The following CRISPLD2 variants were observed in gnomAD, a reference collection of about 807,000 sequenced individuals.
CRISPLD2 encodes the protein cysteine rich secretory protein LCCL domain containing 2, also known as cysteine-rich secretory protein LCCL domain-containing 2.
CRISPLD2 carries 47 observed loss-of-function variants against 71.1 expected under a neutral mutation model. The ratio of observed to expected loss-of-function variants is 0.66; its 90% CI spans 0.52 to 0.84. The LOEUF (loss-of-function observed/expected upper bound fraction) is 0.84. Among genes scored for constraint, CRISPLD2 ranks in the 40% least tolerant of loss-of-function variants. The pLI, the probability that CRISPLD2 is intolerant of heterozygous loss-of-function variation, is 0.00. For synonymous variants in CRISPLD2, 317 were observed against 250.1 expected (o/e 1.27, Z -2.52); for missense variants, 830 against 651.1 (o/e 1.27, Z -2.99).
At chr16:84,836,846 C>T (rs976916761) in intron 1 of CRISPLD2, among the ~76,000 whole-genome samples, 2 of 152,182 alleles carry the variant, frequency 1.3e-5, no homozygotes, top group Non-Finnish European at 2.9e-5. Flanking sequence ...AAGAACTGAG[C>T]CCCGTGGAGT....
intron 14 of CRISPLD2, among the ~76,000 whole-genome samples, chr16:84,902,704 A>T (rs1183490966): frequency 2.7e-5 from 4 of 150,116 alleles, no homozygotes; most frequent in Admixed American, 1.3e-4. Flanking sequence ...GCTGGCTCAG[A>T]GGGACTGGGG....
intron 14 of CRISPLD2, among the ~76,000 whole-genome samples, chr16:84,898,106 C>T (rs1193621377): frequency 6.6e-6 from 1 of 152,088 alleles, no homozygotes; most frequent in Non-Finnish European, 1.5e-5. Flanking sequence ...TTTTTTCTTT[C>T]ACTGTAATAA....
At chr16:84,846,667 T>C (rs1344596930) in intron 3 of CRISPLD2, among the ~76,000 whole-genome samples, 1 of 152,162 alleles carries the variant, frequency 6.6e-6, no homozygotes, top group East Asian at 1.9e-4. Flanking sequence ...GCTCACTGTT[T>C]AAGGCTGAGC....
chr16:84,866,952 T>C lies in CRISPLD2; in HGVS notation c.765T>C (p.Ala255=). Reference sequence around the variant, plus strand: ...ACGAGATGAATGAGGTGGAAACGGCTCCCATTCCTGAAGAAAACCATGTTT... The same window carrying C: ...ACGAGATGAATGAGGTGGAAACGGCCCCCATTCCTGAAGAAAACCATGTTT... ...ETDEMNEVET[A]PIPEENHVWL... The change falls in exon 7 of 15, where the codon GCT becomes GCC. Residue 255 remains alanine (A), a synonymous_variant. Coordinates refer to ENST00000262424, the MANE Select transcript of CRISPLD2 (RefSeq NM_031476.4). 1 of 1,613,846 alleles carries C rather than the reference T, an allele frequency of 6.2e-7. No homozygotes were observed. Among genetic ancestry groups the C allele is most frequent in the Non-Finnish European group, 8.5e-7 (1 of 1,179,936 alleles).
intron 1 of CRISPLD2, among the ~76,000 whole-genome samples, chr16:84,835,073 C>T (rs931727179): frequency 7.2e-5 from 11 of 151,756 alleles, no homozygotes; most frequent in African/African-American, 2.7e-4. Context: ...AGGTGCTGGC[C>T]CTTTTATGGT....
intron 4 of CRISPLD2, 46 bp from the exon 5 acceptor site, chr16:84,850,522 T>G (rs775536619): frequency 3.3e-6 from 5 of 1,533,904 alleles, no homozygotes; most frequent in Non-Finnish European, 4.5e-6. Context: ...ATCACCCTTT[T>G]GTGCCTTATC....
At chr16:84,842,455 A>G (rs989416622) in intron 2 of CRISPLD2, among the ~76,000 whole-genome samples, 8 of 145,540 alleles carry the variant, frequency 5.5e-5, no homozygotes, top group African/African-American at 1.8e-4. Context: ...GCTCACTGCA[A>G]CCTCCACTTC....
At position 84,906,878 on chromosome 16, in the gene CRISPLD2, G is replaced by T; in HGVS notation, c.*236G>T. 1.7e-6 allele frequency: 1 copy of T among 591,014 alleles called. No individual in the cohort carries two copies. The highest frequency in any genetic ancestry group is 3.0e-5 in the East Asian group (1 of 33,816). 36.6% of individuals were successfully genotyped at this position (591,014 alleles called of 1,614,324 possible). ...TGCCTGATCCTGCTGGGGCCTGGGG[G>T]TCTCCATCTGGACGTCCTCTCTCCT... On this transcript the variant is annotated 3_prime_UTR_variant, in exon 15 of 15. Coordinates refer to ENST00000262424, the MANE Select transcript of CRISPLD2 (RefSeq NM_031476.4).
intron 1 of CRISPLD2, among the ~76,000 whole-genome samples, chr16:84,832,867 T>A (rs4783081): frequency 0.095 from 14,451 of 152,240 alleles, 772 homozygotes; most frequent in Middle Eastern, 0.14. Context: ...TTCTGAGTGT[T>A]GAGTACGATG....
At chr16:84,859,338 G>C (rs994917464) in intron 6 of CRISPLD2, among the ~76,000 whole-genome samples, 1 of 152,206 alleles carries the variant, frequency 6.6e-6, no homozygotes, top group Admixed American at 6.5e-5. Flanking sequence ...GGACCACAGT[G>C]ATGTTTTGGG....
At chr16:84,840,265 G>T (rs187727801) in intron 2 of CRISPLD2, among the ~76,000 whole-genome samples, 10 of 152,336 alleles carry the variant, frequency 6.6e-5, no homozygotes, top group African/African-American at 2.4e-4. Context: ...CATGAGGGTT[G>T]AGTGGCTATT....
chr16:84,891,652 C>T (rs1161963200), intron 14 of CRISPLD2, among the ~76,000 whole-genome samples: 2 of 152,202 alleles, frequency 1.3e-5, no homozygotes, highest in African/African-American at 4.8e-5. Flanking sequence ...TCCTGAGCAG[C>T]GCAGCCAGCT....
At chr16:84,906,419 A>C (rs1036539434) in intron 14 of CRISPLD2, among the ~76,000 whole-genome samples, 169 bp from the exon 15 acceptor site, 2 of 152,148 alleles carry the variant, frequency 1.3e-5, no homozygotes, top group Admixed American at 1.3e-4. Flanking sequence ...ACCTGTTCTC[A>C]ACTCAAGGCA....
At chr16:84,877,547 G>A in intron 12 of CRISPLD2, 37 bp downstream of exon 12, 8 of 1,603,396 alleles carry the variant, frequency 5.0e-6, no homozygotes, top group African/African-American at 1.3e-5. Context: ...TTCTATGGAA[G>A]ATGTTAGAAG....
intron 6 of CRISPLD2, among the ~76,000 whole-genome samples, chr16:84,862,566 C>T (rs138091640): frequency 0.01 from 1,546 of 151,998 alleles, 11 homozygotes; most frequent in Non-Finnish European, 0.015. Context: ...TTTCTGGTGC[C>T]TAAAGCGTTT....
chr16:84,843,688 C>T (rs1208208531), intron 2 of CRISPLD2, among the ~76,000 whole-genome samples: 2 of 149,288 alleles, frequency 1.3e-5, no homozygotes, highest in Admixed American at 1.3e-4. Flanking sequence ...TAGTATATTG[C>T]ACAGTCAGCA....
At chr16:84,898,141 C>T (rs1199102663) in intron 14 of CRISPLD2, among the ~76,000 whole-genome samples, 6 of 152,128 alleles carry the variant, frequency 3.9e-5, no homozygotes, top group African/African-American at 7.2e-5. Context: ...AACATTTTTG[C>T]GCAAGCCTGT....
At chr16:84,888,122 G>A (rs536633274) in intron 13 of CRISPLD2, among the ~76,000 whole-genome samples, 2 of 152,352 alleles carry the variant, frequency 1.3e-5, no homozygotes, top group Admixed American at 6.5e-5. Context: ...CTAAAATCAA[G>A]GTGGCAGCAG....
chr16:84,835,495 C>G (rs1490574199), intron 1 of CRISPLD2, among the ~76,000 whole-genome samples: 2 of 152,100 alleles, frequency 1.3e-5, no homozygotes, highest in Non-Finnish European at 2.9e-5. Flanking sequence ...GACCCTCCGA[C>G]CCACCCCCAG....
Sources: gnomAD v4.1 joint callset for allele counts (sites outside exome capture counted in the v4.1 genomes callset) on GRCh38, gnomAD v4.1.1 for gene constraint, MANE v1.5 for transcripts, NCBI Gene and HGNC (gene_info 2026-07-23, HGNC 2026-07-21) for gene names.